Variants in MYO19 observed in about 807,000 individuals in gnomAD.
MYO19 encodes unconventional myosin-XIX.
In MYO19, 132 loss-of-function variants were observed where a neutral mutation model predicts 129.2. The observed-to-expected ratio is 1.02, with a 90% CI of 0.89 to 1.18. The LOEUF (loss-of-function observed/expected upper bound fraction) is 1.18, where lower values mean the gene tolerates loss of function less well. MYO19 is among the 50% of genes most tolerant of loss of function. The pLI is 0.00. For synonymous variants in MYO19, 531 were observed against 477.2 expected (o/e 1.11, Z -1.47); for missense variants, 1,210 against 1,216.7 (o/e 0.99, Z 0.08).
At chr17:36,511,017 G>A in intron 12 of MYO19, 100 bp from the exon 13 acceptor site, 3 of 1,341,298 alleles carry the variant, frequency 2.2e-6, no homozygotes, top group Non-Finnish European at 3.0e-6. Context: ...TTGCCCAACT[G>A]GACAGAAGAA....
At chr17:36,509,783 AG>A (rs1220970614) in intron 13 of MYO19, 1 of 152,774 alleles carries the variant, frequency 6.5e-6, no homozygotes, top group African/African-American at 2.4e-5. Flanking sequence ...TTTTTGCAAC[AG>A]GGGCTGTGCA....
rs752493 is a variant in MYO19 at position 36,515,970 on chromosome 17, T to C, written c.435A>G (p.Leu145=). The change falls in exon 7 of 26, where the codon CTA becomes CTG. Residue 145 remains leucine (L), a synonymous_variant. Coordinates refer to ENST00000614623, the MANE Select transcript of MYO19 (RefSeq NM_001163735.2). ...GAGKTWTSRC[L]MKFYAVVATS... ...TGGCCACCACAGCATAGAACTTCATTAGGCAGCGAGACGTCCATGTCTGTG... is the reference window on the plus strand; with the variant it reads ...TGGCCACCACAGCATAGAACTTCATCAGGCAGCGAGACGTCCATGTCTGTG... 0.041 allele frequency: 66,882 copies of C among 1,612,556 alleles called. 2,122 individuals carry two copies. Among genetic ancestry groups the C allele is most frequent in the African/African-American group, 0.16 (12,113 of 74,952 alleles).
At chr17:36,501,038 C>G in intron 22 of MYO19, 31 bp downstream of exon 22, 1 of 1,603,372 alleles carries the variant, frequency 6.2e-7, no homozygotes, top group Non-Finnish European at 8.5e-7. Flanking sequence ...CAGCTTGCCT[C>G]TGTAACCTCC....
At chr17:36,507,346 C>G in intron 16 of MYO19, 53 bp downstream of exon 16, 1 of 1,552,530 alleles carries the variant, frequency 6.4e-7, no homozygotes, top group Non-Finnish European at 8.9e-7. Flanking sequence ...ATCAAGGCCC[C>G]AGAAAACCCA....
intron 6 of MYO19, among the ~76,000 whole-genome samples, chr17:36,521,643 T>C (rs1340156384): frequency 1.3e-5 from 2 of 152,186 alleles, no homozygotes; most frequent in Non-Finnish European, 2.9e-5. Context: ...AGAAAGGCTA[T>C]ACCACAACAC....
chr17:36,498,520 CACCA>C lies in MYO19; in HGVS notation c.2499_2502del (p.Asp833GlufsTer14). Reference sequence around the variant, plus strand: ...GCTTGAGAGAAGTGTTTTTCTTCCACACCATCCAGCTCTTTAGCAGCAAGGCAGG... The same window carrying C: ...GCTTGAGAGAAGTGTTTTTCTTCCACTCCAGCTCTTTAGCAGCAAGGCAGG... On this transcript the variant is annotated frameshift_variant, in exon 25 of 26. Coordinates refer to ENST00000614623, the MANE Select transcript of MYO19 (RefSeq NM_001163735.2). LOFTEE classifies it high-confidence loss of function. The C allele has an allele frequency of 1.9e-6, 3 of 1,613,918 alleles. No homozygotes were observed. In the East Asian group the frequency reaches 6.7e-5, roughly 36 times the overall value.
At chr17:36,534,635 G>A (rs1348206576) in intron 1 of MYO19, 126 bp downstream of exon 1, 1 of 152,558 alleles carries the variant, frequency 6.6e-6, no homozygotes, top group African/African-American at 2.4e-5. Context: ...CAAAAAGGAG[G>A]GAAACGGCGC....
intron 23 of MYO19, chr17:36,499,676 T>TTTTTC (rs2071360917): frequency 7.8e-6 from 1 of 127,930 alleles, no homozygotes; most frequent in African/African-American, 3.0e-5. Context: ...TTTTTTTTTT[T>TTTTTC]TTTTTTTTTT....
chr17:36,512,196 AACACACACACACACACACACACAC>A (rs57765074), intron 11 of MYO19, among the ~76,000 whole-genome samples: 6 of 138,212 alleles, frequency 4.3e-5, no homozygotes, highest in Middle Eastern at 3.6e-3. Flanking sequence ...ACTAAAAATA[AACACACACACACACACACACACAC>A]ACACACACAC....
intron 6 of MYO19, among the ~76,000 whole-genome samples, chr17:36,522,248 G>A (rs999956339): frequency 5.3e-5 from 8 of 151,108 alleles, no homozygotes; most frequent in Non-Finnish European, 1.0e-4. Context: ...GGTGGCTCAC[G>A]CCTGTAATCC....
At chr17:36,542,345 G>C (rs1212638636) in intron 1 of MYO19, 5 of 152,112 alleles carry the variant, frequency 3.3e-5, no homozygotes, top group Admixed American at 3.3e-4. Context: ...ATTAAAATTA[G>C]CACCTATATA....
intron 24 of MYO19, 68 bp from the exon 25 acceptor site, chr17:36,498,627 AAACT>A: frequency 6.8e-7 from 1 of 1,469,622 alleles, no homozygotes; most frequent in Non-Finnish European, 9.1e-7. Context: ...ATGGAAATCA[AAACT>A]ATCTTTAACA....
upstream of MYO19, chr17:36,537,187 C>T: frequency 6.2e-7 from 1 of 1,614,158 alleles, no homozygotes; most frequent in Non-Finnish European, 8.5e-7. Context: ...TTGTGCTTTC[C>T]TGCATTCTGT....
rs377143741 is a variant in MYO19 at position 36,510,808 on chromosome 17, C to T, written c.1095G>A (p.Lys365=). 7.5e-6 allele frequency: 12 copies of T among 1,599,316 alleles called. No individual in the cohort carries two copies. In the African/African-American group the frequency reaches 1.6e-4, roughly 21 times the overall value. The part of the protein sequence containing the change: ...RAGRQQQVFR[K]PCARAECDTR... ...TGTCACACTCGGCTCGGGCGCAGGGCTTCCGGAACACCTGCTGCTGTCTGC... is the reference window on the plus strand; with the variant it reads ...TGTCACACTCGGCTCGGGCGCAGGGTTTCCGGAACACCTGCTGCTGTCTGC... Residue 365 remains lysine, a synonymous_variant, in exon 13 of 26, where the codon AAG becomes AAA. Coordinates refer to ENST00000614623, the MANE Select transcript of MYO19 (RefSeq NM_001163735.2).
chr17:36,516,066 C>A, intron 6 of MYO19, 76 bp from the exon 7 acceptor site: 1 of 1,469,638 alleles, frequency 6.8e-7, no homozygotes, highest in Admixed American at 2.1e-5. Context: ...AGAACAGTGC[C>A]CACCAGAGCT....
rs1434098064 is a variant in MYO19 at position 36,507,344 on chromosome 17, C to T, written c.1467+55G>A. 2.6e-6 allele frequency: 4 copies of T among 1,531,552 alleles called. No homozygotes were observed. The Admixed American group carries it at 5.0e-5, about 19-fold the overall frequency. 94.9% of individuals were successfully genotyped at this position (1,531,552 alleles called of 1,614,324 possible). A position where few individuals can be genotyped will look rare whatever the true frequency, so the allele number is the denominator to read the frequency against. Reference sequence around the variant, plus strand: ...GAGGAAACAGGATAATCATCAAGGCCCCAGAAAACCCAAAGGCCAACTCTG... The same window carrying T: ...GAGGAAACAGGATAATCATCAAGGCTCCAGAAAACCCAAAGGCCAACTCTG... On this transcript the variant is annotated intron_variant, in intron 16 of 25. Coordinates refer to ENST00000614623, the MANE Select transcript of MYO19 (RefSeq NM_001163735.2).
chr17:36,523,471 T>C (rs998948169), intron 6 of MYO19, among the ~76,000 whole-genome samples: 1 of 152,204 alleles, frequency 6.6e-6, no homozygotes, highest in Non-Finnish European at 1.5e-5. Context: ...TTAATAATGG[T>C]ATATAAAAAC....
intron 15 of MYO19, 78 bp from the exon 16 acceptor site, chr17:36,507,590 G>A (rs879270127): frequency 4.8e-6 from 7 of 1,459,342 alleles, no homozygotes; most frequent in Admixed American, 1.7e-5. Flanking sequence ...GGCTGGCCTC[G>A]GTACCACAGC....
At chr17:36,531,560 C>A (rs1359393670) in intron 3 of MYO19, among the ~76,000 whole-genome samples, 3 of 151,754 alleles carry the variant, frequency 2.0e-5, no homozygotes, top group Non-Finnish European at 4.4e-5. Flanking sequence ...GTGTAACTTG[C>A]TTTATTCCAT....
Sources: gnomAD v4.1 joint callset for allele counts (sites outside exome capture counted in the v4.1 genomes callset) on GRCh38, gnomAD v4.1.1 for gene constraint, MANE v1.5 for transcripts, NCBI Gene and HGNC (gene_info 2026-07-23, HGNC 2026-07-21) for gene names.